The following MTF2 variants were observed in gnomAD, a reference collection of about 807,000 sequenced individuals.
The protein encoded by MTF2 is metal-response element-binding transcription factor 2.
MTF2 carries 11 observed loss-of-function variants against 79.5 expected under a neutral mutation model. That is an observed-to-expected ratio of 0.14 (90% CI 0.09 to 0.23). The LOEUF is 0.23. Among genes scored for constraint, MTF2 ranks in the 10% least tolerant of loss-of-function variants. The pLI, the probability that MTF2 is intolerant of heterozygous loss-of-function variation, is 1.00. For missense variants in MTF2, 486 were observed against 711.2 expected (o/e 0.68, Z 3.60); for synonymous variants, 208 against 232.8 (o/e 0.89, Z 0.97).
chr1:93,082,193 T>G (rs1248652649), intron 1 of MTF2, among the ~76,000 whole-genome samples: 1 of 152,184 alleles, frequency 6.6e-6, no homozygotes, highest in African/African-American at 2.4e-5. Context: ...TTTTTACACT[T>G]TGGTAGAAAA....
In MTF2 at chr1:93,133,948, G is replaced by A. The variant is rs1236021618; in HGVS notation, c.1287G>A (p.Glu429=). ...EPLLDKESIS[E]NPTLDLPCSI... ...TCCAGGATAAGGAATCAATTTCAGA[G>A]AATCCTACTTTGGATTTACCTTGTT... Residue 429 remains glutamate, a synonymous_variant, in exon 13 of 15, where the codon GAG becomes GAA. Coordinates refer to ENST00000370298, the MANE Select transcript of MTF2 (RefSeq NM_007358.4). 4 of 1,579,280 alleles carry A rather than the reference G, an allele frequency of 2.5e-6. No homozygotes were observed. Among genetic ancestry groups the A allele is most frequent in the Non-Finnish European group, 3.5e-6 (4 of 1,151,986 alleles).
At chr1:93,108,572 C>T (rs1164823565) in intron 1 of MTF2, among the ~76,000 whole-genome samples, 2 of 148,990 alleles carry the variant, frequency 1.3e-5, no homozygotes. Flanking sequence ...TTTCCCTGTA[C>T]GTGATATATT....
At chr1:93,102,005 C>T (rs1292917345) in intron 1 of MTF2, among the ~76,000 whole-genome samples, 2 of 152,120 alleles carry the variant, frequency 1.3e-5, no homozygotes, top group Non-Finnish European at 2.9e-5. Context: ...TTTCTCCCTC[C>T]CCTCAATCCC....
Position 93,114,971 on chromosome 1 carries a change from CT to C in MTF2, c.383-10del. 7.1e-6 allele frequency: 11 copies of C among 1,545,394 alleles called. No individual in the cohort carries two copies. Among genetic ancestry groups the C allele is most frequent in the Admixed American group, 1.8e-5 (1 of 56,094 alleles). ...TTAATGAAACCGAATTTGCTTTATG[CT>C]TTTTTTGATATTAAGGATATCATCA... On this transcript the variant is annotated splice_polypyrimidine_tract_variant and intron_variant, in intron 4 of 14. Transcript: ENST00000370298.
chr1:93,127,341 T>A, intron 10 of MTF2, 42 bp downstream of exon 10: 5 of 1,238,894 alleles, frequency 4.0e-6, no homozygotes, highest in Non-Finnish European at 6.0e-6. Context: ...GGGAGACATT[T>A]AGTAAGTATA....
chr1:93,132,869 A>G (rs895076556), intron 11 of MTF2, among the ~76,000 whole-genome samples: 2 of 151,996 alleles, frequency 1.3e-5, no homozygotes, highest in African/African-American at 4.8e-5. Flanking sequence ...GTCACTTTCT[A>G]ACTATATTGT....
chr1:93,121,256 G>A, intron 9 of MTF2: 1 of 938,918 alleles, frequency 1.1e-6, no homozygotes, highest in Non-Finnish European at 1.3e-6. Context: ...GAATTTAAAA[G>A]TAATGTGTGT....
At chr1:93,110,732 CAG>C in intron 3 of MTF2, 106 bp downstream of exon 3, 13 of 917,876 alleles carry the variant, frequency 1.4e-5, no homozygotes, top group Non-Finnish European at 2.0e-5. Flanking sequence ...TTAGATAACT[CAG>C]TATTACTTCC....
At chr1:93,117,242 CA>C (rs1361094715) in intron 6 of MTF2, among the ~76,000 whole-genome samples, 1 of 152,112 alleles carries the variant, frequency 6.6e-6, no homozygotes, top group Non-Finnish European at 1.5e-5. Flanking sequence ...ATAACCATAT[CA>C]AAACCACATA....
chr1:93,114,870 G>C, intron 4 of MTF2, 87 bp downstream of exon 4: 5 of 1,229,626 alleles, frequency 4.1e-6, no homozygotes, highest in South Asian at 1.4e-5. Flanking sequence ...TTGATAATTT[G>C]AAATTATCCT....
In MTF2 at chr1:93,133,722, G is replaced by GA. The variant is rs759847587; in HGVS notation, c.1188dup (p.Gly397ArgfsTer23). 8.1e-6 allele frequency: 13 copies of GA among 1,608,506 alleles called. No individual in the cohort carries two copies. The highest frequency in any genetic ancestry group is 3.4e-5 in the Admixed American group (2 of 59,622). ...TTTCAGGGAAGTAAGCAATGGCATA[G>GA]AAAAAAAAGGAAAGAAAAAATCTGT... On this transcript the variant is annotated frameshift_variant, in exon 12 of 15. Coordinates refer to ENST00000370298, the MANE Select transcript of MTF2 (RefSeq NM_007358.4). LOFTEE classifies it high-confidence loss of function.
At chr1:93,090,722 G>A (rs1278521399) in intron 1 of MTF2, among the ~76,000 whole-genome samples, 1 of 147,606 alleles carries the variant, frequency 6.8e-6, no homozygotes, top group Non-Finnish European at 1.5e-5. Context: ...GGAATGCAGT[G>A]GCACGATCTC....
chr1:93,121,215 A>T, intron 9 of MTF2: 1 of 970,058 alleles, frequency 1.0e-6, no homozygotes, highest in Non-Finnish European at 1.2e-6. Context: ...AAGTGTAACT[A>T]CCTATGCTGG....
At chr1:93,121,858 A>G (rs1020345489) in intron 9 of MTF2, 9 of 529,522 alleles carry the variant, frequency 1.7e-5, no homozygotes, top group African/African-American at 4.4e-5. Context: ...CTGGAGTGCA[A>G]TGGCGTGATC....
At chr1:93,125,460 G>A (rs538537558) in intron 9 of MTF2, among the ~76,000 whole-genome samples, 1 of 152,086 alleles carries the variant, frequency 6.6e-6, no homozygotes, top group South Asian at 2.1e-4. Context: ...CAAAGTCGGT[G>A]CTTTGGAAAC....
At chr1:93,125,844 G>C (rs1171610185) in intron 9 of MTF2, among the ~76,000 whole-genome samples, 2 of 152,058 alleles carry the variant, frequency 1.3e-5, no homozygotes, top group Non-Finnish European at 2.9e-5. Context: ...GAGCTGTCTT[G>C]TAAAAGAAGG....
intron 9 of MTF2, among the ~76,000 whole-genome samples, chr1:93,125,247 T>C (rs1656645700): frequency 6.6e-6 from 1 of 151,794 alleles, no homozygotes. Context: ...TTAGAATAAG[T>C]CATGTATACC....
chr1:93,134,435 G>T (rs1440699084), intron 14 of MTF2: 2 of 452,432 alleles, frequency 4.4e-6, no homozygotes, highest in East Asian at 3.9e-5. Context: ...TGTACACAGA[G>T]AAAAAGTATA....
chr1:93,107,017 C>T (rs1412237824), intron 1 of MTF2, among the ~76,000 whole-genome samples: 3 of 152,140 alleles, frequency 2.0e-5, no homozygotes, highest in Non-Finnish European at 4.4e-5. Flanking sequence ...AACTTTTTAA[C>T]CCCTCTAATT....
Sources: gnomAD v4.1 joint callset for allele counts (sites outside exome capture counted in the v4.1 genomes callset) on GRCh38, gnomAD v4.1.1 for gene constraint, MANE v1.5 for transcripts, NCBI Gene and HGNC (gene_info 2026-07-23, HGNC 2026-07-21) for gene names.